The following GSE1 variants were observed in gnomAD, a reference collection of about 807,000 sequenced individuals.
The protein encoded by GSE1 is genetic suppressor element 1.
In GSE1, 32 loss-of-function variants were observed where a neutral mutation model predicts 112.6. The observed-to-expected ratio is 0.28, with a 90% CI of 0.21 to 0.38. The LOEUF (loss-of-function observed/expected upper bound fraction) is 0.38. GSE1 is among the 10% of genes least tolerant of loss of function. The pLI is 1.00. For synonymous variants in GSE1, 1,115 were observed against 735.6 expected, an observed-to-expected ratio of 1.52 and a Z score of -8.35; for missense variants, 2,348 against 1,699.2, an observed-to-expected ratio of 1.38 and a Z score of -6.71.
chr16:85,198,570 C>T (rs1399486230), intron 1 of GSE1, among the ~76,000 whole-genome samples: 2 of 152,094 alleles, frequency 1.3e-5, no homozygotes, highest in African/African-American at 2.4e-5. Context: ...AGCCTGAGCT[C>T]TGCTGGCCAG....
At chr16:85,476,773 C>CT (rs1469383358) in intron 2 of GSE1, among the ~76,000 whole-genome samples, 5 of 132,270 alleles carry the variant, frequency 3.8e-5, no homozygotes, top group East Asian at 2.5e-4. Context: ...CACGCCTGAC[C>CT]ATTTTTTTTT....
At chr16:85,183,561 T>C (rs979887871) in intron 1 of GSE1, among the ~76,000 whole-genome samples, 1 of 152,238 alleles carries the variant, frequency 6.6e-6, no homozygotes, top group Non-Finnish European at 1.5e-5. Flanking sequence ...CCTTCTGATT[T>C]GGTGATCTGG....
At chr16:85,336,143 C>T (rs2046478690) in intron 1 of GSE1, among the ~76,000 whole-genome samples, 1 of 152,344 alleles carries the variant, frequency 6.6e-6, no homozygotes, top group African/African-American at 2.4e-5. Context: ...TGCAGTTCTG[C>T]AGGACTCCAG....
intron 2 of GSE1, among the ~76,000 whole-genome samples, chr16:85,643,410 C>T (rs922038188): frequency 1.3e-5 from 2 of 152,290 alleles, no homozygotes; most frequent in South Asian, 2.1e-4. Flanking sequence ...CACCCGCCAG[C>T]GGGGATTAGG....
rs920062723 is a variant in GSE1 at position 85,673,821 on chromosome 16, A to C, written c.*1282A>C. 1 of 152,222 alleles carries C rather than the reference A, an allele frequency of 6.6e-6. No homozygotes were observed. The highest frequency in any genetic ancestry group is 2.4e-5 in the African/African-American group (1 of 41,460). 9.4% of individuals were successfully genotyped at this position (152,222 alleles called of 1,614,324 possible). On this transcript the variant is annotated 3_prime_UTR_variant, in exon 16 of 16. Coordinates refer to ENST00000253458, the MANE Select transcript of GSE1 (RefSeq NM_014615.5). Reference sequence around the variant, plus strand: ...GGGGGCTTTTAAAAACCTTTCAGGAAGTCAATGATTTCTGTGATTGATATA... The same window carrying C: ...GGGGGCTTTTAAAAACCTTTCAGGACGTCAATGATTTCTGTGATTGATATA...
chr16:85,205,299 T>A (rs1363647537), intron 1 of GSE1, among the ~76,000 whole-genome samples: 2 of 152,006 alleles, frequency 1.3e-5, no homozygotes, highest in African/African-American at 2.4e-5. Flanking sequence ...GCCCAGCTAA[T>A]TTTTGTATTT....
intron 14 of GSE1, among the ~76,000 whole-genome samples, chr16:85,670,264 TG>T: frequency 6.6e-6 from 1 of 152,326 alleles, no homozygotes; most frequent in South Asian, 2.1e-4. Context: ...TTTGTCTGAT[TG>T]TCTTGTCACT....
chr16:85,647,165 C>T (rs760235605), intron 2 of GSE1, among the ~76,000 whole-genome samples: 2 of 152,322 alleles, frequency 1.3e-5, no homozygotes, highest in Non-Finnish European at 1.5e-5. Context: ...TGGGCCGGGG[C>T]GGCCCTGCCC....
intron 1 of GSE1, among the ~76,000 whole-genome samples, chr16:85,321,228 G>A (rs1000958555): frequency 6.6e-6 from 1 of 152,170 alleles, no homozygotes; most frequent in Non-Finnish European, 1.5e-5. Flanking sequence ...GAATGCTCGT[G>A]TAGCTCAAGT....
chr16:85,241,415 A>G (rs1197987357), intron 1 of GSE1, among the ~76,000 whole-genome samples: 1 of 152,160 alleles, frequency 6.6e-6, no homozygotes, highest in Non-Finnish European at 1.5e-5. Flanking sequence ...TGGGCATTGC[A>G]TGGCTTCATG....
intron 1 of GSE1, among the ~76,000 whole-genome samples, chr16:85,175,563 CT>C (rs1013090731): frequency 8.5e-5 from 13 of 152,254 alleles, no homozygotes. Flanking sequence ...TTGACGCCCC[CT>C]TCCCCCCGCC....
intron 2 of GSE1, among the ~76,000 whole-genome samples, chr16:85,526,089 A>G (rs2052355987): frequency 6.6e-6 from 1 of 152,136 alleles, no homozygotes; most frequent in South Asian, 2.1e-4. Context: ...CCCACCTGGT[A>G]CAGCTGCTGA....
At chr16:85,307,230 A>G (rs1372300158) in intron 1 of GSE1, among the ~76,000 whole-genome samples, 1 of 152,220 alleles carries the variant, frequency 6.6e-6, no homozygotes, top group Non-Finnish European at 1.5e-5. Context: ...GTGGAGAGGC[A>G]GGTACACTCC....
intron 1 of GSE1, among the ~76,000 whole-genome samples, chr16:85,600,946 G>A (rs982331402): frequency 6.6e-6 from 1 of 152,182 alleles, no homozygotes; most frequent in East Asian, 1.9e-4. Flanking sequence ...GCGCCTGGAA[G>A]AAAGTGAGAA....
Position 85,633,973 on chromosome 16 carries a change from A to G in GSE1, c.67A>G (p.Thr23Ala). ...LGMLSTATRT[T>A]ATVNPLTPSP... ...GATGCTTTCCACCGCGACCAGGACC[A>G]CCGCCACCGTCAACCCCCTCACCCC... Residue 23 changes from threonine to alanine, a missense_variant, in exon 2 of 16, where the codon ACC becomes GCC. Transcript: ENST00000253458. The G allele has an allele frequency of 6.2e-7, 1 of 1,612,948 alleles. No homozygotes were observed. Among genetic ancestry groups the G allele is most frequent in the Non-Finnish European group, 8.5e-7 (1 of 1,179,694 alleles).
chr16:85,482,971 C>G (rs2050725994), intron 2 of GSE1, among the ~76,000 whole-genome samples: 1 of 113,570 alleles, frequency 8.8e-6, no homozygotes, highest in South Asian at 2.8e-4. Context: ...GAGTGAGACT[C>G]CGTCTCAAAA....
At chr16:85,223,374 T>G (rs1441123232) in intron 1 of GSE1, among the ~76,000 whole-genome samples, 1 of 151,796 alleles carries the variant, frequency 6.6e-6, no homozygotes, top group Non-Finnish European at 1.5e-5. Context: ...AATACAAAAA[T>G]TAACTGAGTG....
chr16:85,336,546 C>T (rs772257344), intron 1 of GSE1, among the ~76,000 whole-genome samples: 6 of 152,044 alleles, frequency 3.9e-5, no homozygotes, highest in Non-Finnish European at 8.8e-5. Context: ...ACTGAACAGT[C>T]TAACACACAC....
chr16:85,420,178 G>A (rs923919418), intron 2 of GSE1, among the ~76,000 whole-genome samples: 2 of 152,126 alleles, frequency 1.3e-5, no homozygotes, highest in Non-Finnish European at 2.9e-5. Flanking sequence ...CTTGAAGCCA[G>A]GAGTTCGAAA....
Sources: allele counts gnomAD v4.1 joint callset (sites outside exome capture counted in the v4.1 genomes callset), GRCh38; gene constraint gnomAD v4.1.1; transcripts MANE v1.5; gene names NCBI Gene and HGNC (gene_info 2026-07-23, HGNC 2026-07-21).